Variants in CPA6 observed in about 807,000 individuals in gnomAD.
The protein encoded by CPA6 is carboxypeptidase B.
In CPA6, 58 loss-of-function variants were observed where a neutral mutation model predicts 63.3. The observed-to-expected ratio is 0.92, with a 90% confidence interval of 0.74 to 1.14. The LOEUF is 1.14. Among genes scored for constraint, CPA6 ranks in the 50% most tolerant of loss-of-function variants. The pLI, the probability that CPA6 is intolerant of heterozygous loss-of-function variation, is 0.00. For synonymous variants in CPA6, 185 were observed against 179.0 expected (o/e 1.03, Z -0.27); for missense variants, 565 against 526.6 (o/e 1.07, Z -0.71).
intron 6 of CPA6, among the ~76,000 whole-genome samples, chr8:67,504,398 A>G (rs1257600694): frequency 6.6e-6 from 1 of 152,174 alleles, no homozygotes; most frequent in East Asian, 1.9e-4. Flanking sequence ...ACTTCTAATG[A>G]AGAAAATATG....
chr8:67,503,986 G>A (rs1306912566), intron 6 of CPA6, among the ~76,000 whole-genome samples: 1 of 151,970 alleles, frequency 6.6e-6, no homozygotes, highest in African/African-American at 2.4e-5. Context: ...TCCCACTTAT[G>A]AGAGAACACA....
At chr8:67,698,104 T>G (rs1816944854) in intron 1 of CPA6, among the ~76,000 whole-genome samples, 1 of 152,192 alleles carries the variant, frequency 6.6e-6, no homozygotes. Context: ...GGTTTGAGAT[T>G]AAACTCAAAG....
intron 1 of CPA6, among the ~76,000 whole-genome samples, chr8:67,719,589 C>T (rs891505796): frequency 1.3e-4 from 20 of 152,146 alleles, no homozygotes; most frequent in Admixed American, 3.9e-4. Context: ...AAGGCACTTT[C>T]GGAAGATTAA....
At chr8:67,468,853 G>GC (rs1229788127) in intron 8 of CPA6, among the ~76,000 whole-genome samples, 1 of 152,032 alleles carries the variant, frequency 6.6e-6, no homozygotes, top group African/African-American at 2.4e-5. Context: ...GCCATACAGG[G>GC]CCTCTTGCTG....
At chr8:67,563,934 G>A (rs995062337) in intron 2 of CPA6, among the ~76,000 whole-genome samples, 2 of 152,126 alleles carry the variant, frequency 1.3e-5, no homozygotes, top group Admixed American at 6.5e-5. Context: ...TTTGGGGTAC[G>A]TGTAGCTCAT....
intron 2 of CPA6, among the ~76,000 whole-genome samples, chr8:67,549,358 C>A (rs1413173493): frequency 6.6e-6 from 1 of 152,076 alleles, no homozygotes; most frequent in African/African-American, 2.4e-5. Context: ...CCTTTTAAAC[C>A]ACGTTGAGGT....
At chr8:67,536,328 G>A (rs1185499880) in intron 2 of CPA6, among the ~76,000 whole-genome samples, 1 of 152,172 alleles carries the variant, frequency 6.6e-6, no homozygotes, top group Admixed American at 6.5e-5. Context: ...CTATCCATGA[G>A]CATGGAATCT....
At chr8:67,728,907 C>G (rs7009666) in intron 1 of CPA6, among the ~76,000 whole-genome samples, 4,830 of 152,164 alleles carry the variant, frequency 0.032, 240 homozygotes, top group African/African-American at 0.11. Flanking sequence ...TAGAGGTGAC[C>G]CCAGCAGATC....
At chr8:67,449,334 C>T (rs1470680918) in intron 8 of CPA6, among the ~76,000 whole-genome samples, 1 of 152,196 alleles carries the variant, frequency 6.6e-6, no homozygotes, top group Admixed American at 6.5e-5. Context: ...TGTCTATTCT[C>T]ACGTTGTTAC....
At chr8:67,582,729 A>G (rs1348287136) in intron 2 of CPA6, among the ~76,000 whole-genome samples, 2 of 116,634 alleles carry the variant, frequency 1.7e-5, no homozygotes, top group East Asian at 4.8e-4. Context: ...TTGAAATACA[A>G]TGAAGATTTT....
chr8:67,509,383 T>G (rs1811996645), intron 5 of CPA6, 134 bp downstream of exon 5: 2 of 492,988 alleles, frequency 4.1e-6, no homozygotes, highest in Non-Finnish European at 7.2e-6. Flanking sequence ...GGAAAGTATT[T>G]CTGAGATTAT....
intron 8 of CPA6, among the ~76,000 whole-genome samples, chr8:67,447,553 A>C (rs58596621): frequency 0.19 from 25,708 of 136,250 alleles, 2,260 homozygotes; most frequent in East Asian, 0.25. Flanking sequence ...ACACATACAC[A>C]TTTTAAATAG....
intron 1 of CPA6, among the ~76,000 whole-genome samples, chr8:67,688,376 G>A (rs1816747789): frequency 6.6e-6 from 1 of 152,122 alleles, no homozygotes; most frequent in Admixed American, 6.5e-5. Flanking sequence ...TCAAGGAAAG[G>A]GAACACCCCT....
intron 8 of CPA6, 150 bp downstream of exon 8, chr8:67,483,618 A>T (rs757793626): frequency 1.5e-6 from 1 of 671,966 alleles, no homozygotes; most frequent in Non-Finnish European, 2.7e-6. Flanking sequence ...TGCCAATTAC[A>T]GCTATCATGT....
At chr8:67,713,099 G>GTGTGTGTGTATATATATATATA (rs1328463977) in intron 1 of CPA6, among the ~76,000 whole-genome samples, 3 of 55,034 alleles carry the variant, frequency 5.5e-5, no homozygotes, top group African/African-American at 1.5e-4. Context: ...GTGTGTGTGT[G>GTGTGTGTGTATATATATATATA]TATATATATA....
intron 2 of CPA6, among the ~76,000 whole-genome samples, chr8:67,565,918 G>A (rs1242276614): frequency 1.3e-5 from 2 of 152,096 alleles, no homozygotes; most frequent in African/African-American, 4.8e-5. Flanking sequence ...TGGATAACAA[G>A]GGTCACCATG....
intron 1 of CPA6, among the ~76,000 whole-genome samples, chr8:67,651,955 A>T (rs1157452065): frequency 1.4e-5 from 2 of 147,112 alleles, no homozygotes; most frequent in African/African-American, 5.1e-5. Flanking sequence ...ATGTGTTCTC[A>T]TTGTTCAATT....
intron 3 of CPA6, among the ~76,000 whole-genome samples, chr8:67,513,670 C>T (rs1160548223): frequency 1.3e-5 from 2 of 152,082 alleles, no homozygotes; most frequent in African/African-American, 4.8e-5. Flanking sequence ...GGAGATCAAC[C>T]TTAAATTAAA....
chr8:67,631,052 C>T (rs1815316186), intron 1 of CPA6, among the ~76,000 whole-genome samples: 1 of 152,220 alleles, frequency 6.6e-6, no homozygotes, highest in Non-Finnish European at 1.5e-5. Context: ...GCGCGGCCCC[C>T]TACTCCACAG....
Sources: gnomAD v4.1 joint callset for allele counts (sites outside exome capture counted in the v4.1 genomes callset) on GRCh38, gnomAD v4.1.1 for gene constraint, MANE v1.5 for transcripts, NCBI Gene and HGNC (gene_info 2026-07-23, HGNC 2026-07-21) for gene names.